The following RASSF2 variants were observed in gnomAD, a reference collection of about 807,000 sequenced individuals.
RASSF2 encodes the protein ras association domain-containing protein 2.
A neutral mutation model predicts 46.3 loss-of-function variants in RASSF2; 34 were observed. The ratio of observed to expected loss-of-function variants is 0.73; its 90% CI spans 0.56 to 0.98. The LOEUF is 0.98. Ranked by LOEUF, RASSF2 falls within the 50% of genes least tolerant of loss-of-function variation. The probability of loss-of-function intolerance (pLI) is 0.00; values close to 1 mark genes in which losing one functional copy is unlikely to be tolerated. For synonymous variants in RASSF2, 158 were observed against 162.5 expected, an observed-to-expected ratio of 0.97 and a Z score of 0.21; for missense variants, 364 against 431.2, an observed-to-expected ratio of 0.84 and a Z score of 1.38.
chr20:4,821,723 G>T (rs1230458369), intron 2 of RASSF2, among the ~76,000 whole-genome samples: 2 of 152,288 alleles, frequency 1.3e-5, no homozygotes, highest in South Asian at 2.1e-4. Flanking sequence ...TGCACGCTAT[G>T]CCTCCATCTT....
At position 4,784,026 on chromosome 20, in the gene RASSF2, A is replaced by G; in HGVS notation, c.*247T>C. The G allele has an allele frequency of 1.8e-6, 1 of 547,432 alleles. No homozygotes were observed. Among genetic ancestry groups the G allele is most frequent in the Non-Finnish European group, 3.3e-6 (1 of 303,266 alleles). 33.9% of individuals were successfully genotyped at this position (547,432 alleles called of 1,614,324 possible). On this transcript the variant is annotated 3_prime_UTR_variant, in exon 12 of 12. Transcript: ENST00000379400. Reference sequence around the variant, plus strand: ...TGTGTGCACACACATGTACACACACACATTTTGGGTCCTCCTTATAACTAA... The same window carrying G: ...TGTGTGCACACACATGTACACACACGCATTTTGGGTCCTCCTTATAACTAA...
intron 4 of RASSF2, among the ~76,000 whole-genome samples, chr20:4,797,455 T>C (rs2122526614): frequency 6.6e-6 from 1 of 152,336 alleles, no homozygotes; most frequent in African/African-American, 2.4e-5. Context: ...ATCATCTATC[T>C]GATAACAGGC....
rs147488128 is a variant in RASSF2 at position 4,808,384 on chromosome 20, G to T, written c.-32-7322C>A. On this transcript the variant is annotated intron_variant, in intron 2 of 11. Coordinates refer to ENST00000379400, the MANE Select transcript of RASSF2 (RefSeq NM_014737.3). ...AAAGAGGGGCTTCCCACATCAGCCA[G>T]CATCTAGGCACAGAACTAAAACACC... Among the ~76,000 whole-genome samples, 498 of 152,074 alleles carry T rather than the reference G, an allele frequency of 3.3e-3. 4 individuals are homozygous for T. Among genetic ancestry groups the T allele is most frequent in the Non-Finnish European group, 4.9e-3 (335 of 67,994 alleles).
At position 4,801,011 on chromosome 20, in the gene RASSF2, G is replaced by T. The variant is rs369152893; in HGVS notation, c.20C>A (p.Thr7Lys). 1.1e-5 allele frequency: 18 copies of T among 1,613,888 alleles called. No homozygotes were observed. Among genetic ancestry groups the T allele is most frequent in the Non-Finnish European group, 1.4e-5 (16 of 1,179,710 alleles). Residue 7 changes from threonine (T) to lysine (K), a missense_variant, in exon 3 of 12, where the codon ACG (threonine) becomes AAG (lysine). Physicochemically the swap from Thr to Lys is moderately conservative, Grantham distance 78. Transcript: ENST00000379400. ...ATCTTGTCCACATGGGACTAGGGAC[G>T]TTTGGTGGCTGTAGTCCATTCTTCC... is the stretch of plus-strand genomic sequence containing the variant. MDYSHQ[T>K]SLVPCGQDKY...
chr20:4,810,157 C>T (rs544970900), intron 2 of RASSF2, among the ~76,000 whole-genome samples: 71 of 152,306 alleles, frequency 4.7e-4, no homozygotes, highest in East Asian at 4.1e-3. Context: ...ACCAGCCTGG[C>T]GCTGGAGCCT....
At chr20:4,806,588 G>A (rs909197405) in intron 2 of RASSF2, among the ~76,000 whole-genome samples, 2 of 151,930 alleles carry the variant, frequency 1.3e-5, no homozygotes, top group South Asian at 4.2e-4. Flanking sequence ...TAAAGGCATG[G>A]GCTGCCACAC....
At chr20:4,786,791 T>C (rs1309207812) in intron 10 of RASSF2, among the ~76,000 whole-genome samples, 1 of 152,038 alleles carries the variant, frequency 6.6e-6, no homozygotes, top group East Asian at 1.9e-4. Context: ...TGAGTTAAAG[T>C]TTAAAAACGG....
intron 2 of RASSF2, among the ~76,000 whole-genome samples, chr20:4,810,728 G>A (rs1927718698): frequency 6.6e-6 from 1 of 152,150 alleles, no homozygotes; most frequent in African/African-American, 2.4e-5. Context: ...GTAGAGCAGG[G>A]GCCAGGCCCC....
At chr20:4,818,395 C>T (rs1027695332) in intron 2 of RASSF2, among the ~76,000 whole-genome samples, 1 of 152,164 alleles carries the variant, frequency 6.6e-6, no homozygotes, top group Non-Finnish European at 1.5e-5. Context: ...TAATACAAAT[C>T]TTATCCTCCC....
chr20:4,789,462 G>T (rs1401449921), intron 8 of RASSF2, 134 bp downstream of exon 8: 2 of 674,680 alleles, frequency 3.0e-6, no homozygotes, highest in Non-Finnish European at 5.1e-6. Flanking sequence ...GGATCGTGAG[G>T]ATCTAAAGAA....
chr20:4,781,791 G>C lies in RASSF2; in HGVS notation c.*2482C>G, dbSNP rs1401380695. On this transcript the variant is annotated 3_prime_UTR_variant, in exon 12 of 12. Transcript: ENST00000379400. The stretch of plus-strand genomic sequence containing the variant: ...GTCTTTTGTCCTTTACACAATTTCA[G>C]GTTCATTGCACGCAATTACATAAAC... 1.3e-5 allele frequency: 2 copies of C among 152,166 alleles called. No homozygotes were observed. Among genetic ancestry groups the C allele is most frequent in the Admixed American group, 6.5e-5 (1 of 15,278 alleles). The allele number at this position is 152,166 out of a possible 1,614,324, so 9.4% of individuals were successfully genotyped here. A position where few individuals can be genotyped will look rare whatever the true frequency, so the allele number is the denominator to read the frequency against.
Position 4,790,045 on chromosome 20 carries a change from T to A in RASSF2, c.538-348A>T, listed in dbSNP as rs1925737979. Among the ~76,000 whole-genome samples, 2 of 152,072 alleles carry A rather than the reference T, an allele frequency of 1.3e-5. No individual in the cohort carries two copies. Among genetic ancestry groups the A allele is most frequent in the African/African-American group, 4.8e-5 (2 of 41,394 alleles). ...GTGGGTGGTGCACTGACACCCCAGGTCTGAGACCTGCAGCTCTGCTTCAGC... is the reference window on the plus strand; with the variant it reads ...GTGGGTGGTGCACTGACACCCCAGGACTGAGACCTGCAGCTCTGCTTCAGC... On this transcript the variant is annotated intron_variant, in intron 7 of 11. Coordinates refer to ENST00000379400, the MANE Select transcript of RASSF2 (RefSeq NM_014737.3). This position sits in a 1 kb window ranked among gnomAD's most constrained non-coding sequence, Gnocchi z 4.3.
At position 4,787,456 on chromosome 20, in the gene RASSF2, T is replaced by C. The variant is rs1394900483; in HGVS notation, c.813+177A>G. ...GCAAATGTTTGCTGTTGTCAGCTAC[T>C]ATGATTTGGAGATGTTTGTTACTCT... is the stretch of plus-strand genomic sequence containing the variant. On this transcript the variant is annotated intron_variant, in intron 10 of 11. Transcript: ENST00000379400. Among the ~76,000 whole-genome samples, 5 of 152,226 alleles carry C rather than the reference T, an allele frequency of 3.3e-5. No individual in the cohort carries two copies. The East Asian group carries it at 9.6e-4, about 29-fold the overall frequency.
At chr20:4,807,096 T>C (rs1276965242) in intron 2 of RASSF2, among the ~76,000 whole-genome samples, 2 of 152,128 alleles carry the variant, frequency 1.3e-5, no homozygotes, top group African/African-American at 4.8e-5. Flanking sequence ...GACCCAAATA[T>C]ATCTGGGAAC....
At chr20:4,813,828 T>G (rs1928056223) in intron 2 of RASSF2, among the ~76,000 whole-genome samples, 1 of 151,936 alleles carries the variant, frequency 6.6e-6, no homozygotes, top group South Asian at 2.1e-4. Context: ...GTGGTGTGTA[T>G]GGCTGTGTAT....
rs1232939249 is a variant in RASSF2 at position 4,812,547 on chromosome 20, T to C, written c.-33+9782A>G. 2.0e-5 allele frequency among the ~76,000 whole-genome samples: 3 copies of C among 152,208 alleles called. No individual in the cohort carries two copies. Among genetic ancestry groups the C allele is most frequent in the Non-Finnish European group, 4.4e-5 (3 of 68,038 alleles). ...GAGGAGAGGTTCTCCCACTTGAGTGTGTATTGGAATCTCTCCGAGGGCTCG... is the reference window on the plus strand; with the variant it reads ...GAGGAGAGGTTCTCCCACTTGAGTGCGTATTGGAATCTCTCCGAGGGCTCG... On this transcript the variant is annotated intron_variant, in intron 2 of 11. Transcript: ENST00000379400. The surrounding 1 kb of genome is among the most constrained non-coding windows in gnomAD (Gnocchi z 4.0).
intron 8 of RASSF2, 46 bp downstream of exon 8, chr20:4,789,550 G>A: frequency 6.6e-7 from 1 of 1,506,152 alleles, no homozygotes; most frequent in Non-Finnish European, 9.2e-7. Flanking sequence ...GAGTCCCAAG[G>A]CACAGCTGTG....
rs566746717 is a variant in RASSF2 at position 4,792,405 on chromosome 20, C to T, written c.376+134G>A. On this transcript the variant is annotated intron_variant, in intron 6 of 11. Transcript: ENST00000379400. Reference sequence around the variant, plus strand: ...CTAGGTGGGTGGATGAGGTGGGTGACTTAATTCTCTCCCTTTGTATCTTGA... The same window carrying T: ...CTAGGTGGGTGGATGAGGTGGGTGATTTAATTCTCTCCCTTTGTATCTTGA... 68 of 1,524,594 alleles carry T rather than the reference C, an allele frequency of 4.5e-5. No homozygotes were observed. The African/African-American group carries it at 8.8e-4, about 20-fold the overall frequency. The allele number at this position is 1,524,594 out of a possible 1,614,324, so 94.4% of individuals were successfully genotyped here. A position where few individuals can be genotyped will look rare whatever the true frequency, so the allele number is the denominator to read the frequency against.
chr20:4,799,957 A>G (rs1001395323), intron 3 of RASSF2, among the ~76,000 whole-genome samples: 3 of 152,018 alleles, frequency 2.0e-5, no homozygotes, highest in Non-Finnish European at 4.4e-5. Context: ...ACTAAAAATT[A>G]AAAAATTAGC....
Sources: gnomAD v4.1 joint callset for allele counts (sites outside exome capture counted in the v4.1 genomes callset) on GRCh38, gnomAD v4.1.1 for gene constraint, Gnocchi (gnomAD v3.1) non-coding constraint, MANE v1.5 for transcripts, NCBI Gene and HGNC (gene_info 2026-07-23, HGNC 2026-07-21) for gene names.